EPB41L4B: variants seen among roughly 807,000 people sequenced by gnomAD.
EPB41L4B encodes the protein erythrocyte membrane protein band 4.1 like 4B.
EPB41L4B carries 30 observed loss-of-function variants against 112.5 expected under a neutral mutation model. The observed-to-expected ratio is 0.27, with a 90% confidence interval of 0.20 to 0.36. EPB41L4B has a LOEUF of 0.36. Among genes scored for constraint, EPB41L4B ranks in the 10% least tolerant of loss-of-function variants. The pLI is 1.00. For synonymous variants in EPB41L4B, 408 were observed against 439.7 expected (o/e 0.93, Z 0.90); for missense variants, 1,024 against 1,133.3 (o/e 0.90, Z 1.38).
At chr9:109,294,306 CAAAAAAA>C (rs754733623) in intron 1 of EPB41L4B, among the ~76,000 whole-genome samples, 1 of 56,138 alleles carries the variant, frequency 1.8e-5, no homozygotes. Context: ...GACTCCGTCT[CAAAAAAA>C]AAAAAAAAAA....
chr9:109,295,623 T>C (rs1010491161), intron 1 of EPB41L4B, among the ~76,000 whole-genome samples: 1 of 152,196 alleles, frequency 6.6e-6, no homozygotes, highest in Admixed American at 6.5e-5. Context: ...GCAAACCTTC[T>C]GACCCTGAGA....
chr9:109,242,043 T>TTCTCAAAGGGTG (rs1834370305), intron 15 of EPB41L4B, among the ~76,000 whole-genome samples: 1 of 152,178 alleles, frequency 6.6e-6, no homozygotes, highest in East Asian at 1.9e-4. Context: ...AAGTCATCAT[T>TTCTCAAAGGGTG]TCTCAAAGGG....
intron 13 of EPB41L4B, among the ~76,000 whole-genome samples, chr9:109,250,200 T>C (rs1245308515): frequency 6.6e-6 from 1 of 152,120 alleles, no homozygotes; most frequent in East Asian, 1.9e-4. Flanking sequence ...ACCTCCTGAT[T>C]TGCAAAAAAG....
intron 17 of EPB41L4B, among the ~76,000 whole-genome samples, chr9:109,213,061 CTCT>C (rs1283573356): frequency 2.0e-5 from 3 of 152,332 alleles, no homozygotes; most frequent in South Asian, 4.1e-4. Flanking sequence ...AAAGTCATTT[CTCT>C]TCTTCTGGTC....
chr9:109,298,141 A>C (rs905957874), intron 1 of EPB41L4B, among the ~76,000 whole-genome samples: 1 of 152,130 alleles, frequency 6.6e-6, no homozygotes, highest in Non-Finnish European at 1.5e-5. Flanking sequence ...TGATGCTGAC[A>C]GCCTCTCCTT....
intron 24 of EPB41L4B, among the ~76,000 whole-genome samples, chr9:109,177,778 C>T (rs1831895068): frequency 1.3e-5 from 2 of 151,220 alleles, no homozygotes; most frequent in African/African-American, 4.9e-5. Context: ...GCCGAGGTTG[C>T]GCCACTGCAC....
intron 17 of EPB41L4B, among the ~76,000 whole-genome samples, chr9:109,210,143 G>T (rs10739274): frequency 0.42 from 64,022 of 151,774 alleles, 13,861 homozygotes; most frequent in Middle Eastern, 0.49. Flanking sequence ...GCTATCAATC[G>T]TTCCTGAGCC....
intron 18 of EPB41L4B, 49 bp downstream of exon 18, chr9:109,207,875 G>A (rs761668961): frequency 2.0e-5 from 32 of 1,609,760 alleles, no homozygotes; most frequent in African/African-American, 9.4e-5. Context: ...CTGTGGCATC[G>A]AGGAAATCCT....
At chr9:109,175,937 T>C (rs772207097) in intron 25 of EPB41L4B, among the ~76,000 whole-genome samples, 6 of 152,124 alleles carry the variant, frequency 3.9e-5, no homozygotes, top group Non-Finnish European at 5.9e-5. Flanking sequence ...GCTTTCTCTA[T>C]AGCCCTTTTC....
At chr9:109,297,642 T>C (rs1217339983) in intron 1 of EPB41L4B, among the ~76,000 whole-genome samples, 2 of 152,190 alleles carry the variant, frequency 1.3e-5, no homozygotes, top group Non-Finnish European at 2.9e-5. Context: ...TCCCACAGCA[T>C]CCCTGCGGCA....
In EPB41L4B at chr9:109,213,644, G is replaced by C. The variant is rs542067023; in HGVS notation, c.1752+56C>G. 162 of 1,444,384 alleles carry C rather than the reference G, an allele frequency of 1.1e-4. No individual in the cohort carries two copies. In the African/African-American group the frequency reaches 2.1e-3, roughly 19 times the overall value. The allele number at this position is 1,444,384 out of a possible 1,614,324, so 89.5% of individuals were successfully genotyped here. A position where few individuals can be genotyped will look rare whatever the true frequency, so the allele number is the denominator to read the frequency against. ...AGCAGGCAGGCTAGGGTAGTAATCA[G>C]AGGTTTGATGTCAGCACCAAGTCCA... On this transcript the variant is annotated intron_variant, in intron 17 of 25. Coordinates refer to ENST00000374566, the MANE Select transcript of EPB41L4B (RefSeq NM_019114.5).
intron 18 of EPB41L4B, among the ~76,000 whole-genome samples, chr9:109,207,664 G>A (rs1588136721): frequency 1.3e-5 from 2 of 152,166 alleles, no homozygotes; most frequent in African/African-American, 2.4e-5. Context: ...TGGGGACAGG[G>A]CCCAGTTTTC....
rs1833927272 is a variant in EPB41L4B at position 109,230,782 on chromosome 9, T to C, written c.1409+12836A>G. ...TGTTGTATCTATTAATTAGGGATGA[T>C]TTCTTATAGCAACTTAGTGGTCTTA... On this transcript the variant is annotated intron_variant, in intron 15 of 25. Transcript: ENST00000374566. Among the ~76,000 whole-genome samples, 5 of 152,162 alleles carry C rather than the reference T, an allele frequency of 3.3e-5. No homozygotes were observed. The South Asian group carries it at 1.0e-3, about 32-fold the overall frequency.
intron 22 of EPB41L4B, among the ~76,000 whole-genome samples, chr9:109,188,841 T>C (rs986281173): frequency 2.0e-5 from 3 of 152,172 alleles, no homozygotes; most frequent in African/African-American, 7.2e-5. Flanking sequence ...AAGTGGTTCA[T>C]GAAGCATGGG....
intron 24 of EPB41L4B, 75 bp downstream of exon 24, chr9:109,182,654 C>G: frequency 9.0e-7 from 1 of 1,108,000 alleles, no homozygotes; most frequent in Non-Finnish European, 1.4e-6. Flanking sequence ...ACCTTGCTGT[C>G]TGGCATCCCG....
intron 13 of EPB41L4B, among the ~76,000 whole-genome samples, chr9:109,249,050 C>A (rs1451318765): frequency 2.6e-5 from 2 of 77,992 alleles, no homozygotes; most frequent in African/African-American, 4.8e-5. Flanking sequence ...CAGAGCGAGA[C>A]TCCATCTCAA....
chr9:109,277,813 C>T (rs1039007914), intron 2 of EPB41L4B, among the ~76,000 whole-genome samples: 1 of 152,028 alleles, frequency 6.6e-6, no homozygotes. Flanking sequence ...CCGCTGTGGG[C>T]CAAGCCCAGA....
At chr9:109,307,182 G>A (rs773165089) in intron 1 of EPB41L4B, 4 of 464,004 alleles carry the variant, frequency 8.6e-6, no homozygotes, top group Non-Finnish European at 1.7e-5. Flanking sequence ...TTCTATTATA[G>A]TACATACAAT....
chr9:109,286,675 G>A (rs188553782), intron 1 of EPB41L4B, among the ~76,000 whole-genome samples: 25 of 152,174 alleles, frequency 1.6e-4, no homozygotes, highest in Non-Finnish European at 1.6e-4. Context: ...CACAACTCAC[G>A]TTACTCCCTC....
Sources: allele counts gnomAD v4.1 joint callset (sites outside exome capture counted in the v4.1 genomes callset), GRCh38; gene constraint gnomAD v4.1.1; transcripts MANE v1.5; gene names NCBI Gene and HGNC (gene_info 2026-07-23, HGNC 2026-07-21).